NFE2L1: variants seen among roughly 807,000 people sequenced by gnomAD.
NFE2L1 encodes NFE2 like bZIP transcription factor 1.
In NFE2L1, 18 loss-of-function variants were observed where a neutral mutation model predicts 61.6. The observed-to-expected ratio is 0.29, with a 90% CI of 0.20 to 0.43. The LOEUF is 0.43. NFE2L1 is among the 20% of genes least tolerant of loss of function. NFE2L1 has a pLI of 1.00. For missense variants in NFE2L1, 827 were observed against 973.5 expected (o/e 0.85, Z 2.00); for synonymous variants, 419 against 402.7 (o/e 1.04, Z -0.48).
At chr17:48,056,938 G>C in intron 3 of NFE2L1, 94 bp from the exon 4 acceptor site, 1 of 1,261,310 alleles carries the variant, frequency 7.9e-7, no homozygotes, top group South Asian at 1.3e-5. Flanking sequence ...GAATGGGAGG[G>C]AGACTGCAGG....
In NFE2L1 at chr17:48,056,603, C is replaced by T. The variant is rs577125198; in HGVS notation, c.723+5C>T. The T allele has an allele frequency of 3.1e-6, 5 of 1,612,120 alleles. No homozygotes were observed. The highest frequency in any genetic ancestry group is 1.7e-5 in the Admixed American group (1 of 59,986). ...GGGGAGAGCTTCCCTGCACAGGTAC[C>T]ATCGCCCCTGCTCACTGGGCTCTCT... On this transcript the variant is annotated splice_donor_5th_base_variant and intron_variant, in intron 3 of 5. Coordinates refer to ENST00000362042, the MANE Select transcript of NFE2L1 (RefSeq NM_003204.3).
At chr17:48,049,892 C>T (rs542993483) in intron 1 of NFE2L1, among the ~76,000 whole-genome samples, 1 of 152,190 alleles carries the variant, frequency 6.6e-6, no homozygotes, top group African/African-American at 2.4e-5. Context: ...GGGTGAAAAT[C>T]CAGCTTTACT....
At chr17:48,058,215 C>T in intron 5 of NFE2L1, 80 bp from the exon 6 acceptor site, 4 of 1,501,802 alleles carry the variant, frequency 2.7e-6, no homozygotes, top group Non-Finnish European at 2.7e-6. Flanking sequence ...AGCTGTGCCT[C>T]TGTTGGGTGC....
At position 48,059,393 on chromosome 17, in the gene NFE2L1, C is replaced by T. The variant is rs748145897; in HGVS notation, c.2071C>T (p.Arg691Cys). Reference protein sequence around the residue: ...NLERDVEDLQRDKARLLREKV... With the variant: ...NLERDVEDLQCDKARLLREKV... Reference sequence around the variant, plus strand: ...GGAGCGTGATGTGGAGGACCTGCAGCGTGACAAAGCCCGGCTGCTGCGGGA... The same window carrying T: ...GGAGCGTGATGTGGAGGACCTGCAGTGTGACAAAGCCCGGCTGCTGCGGGA... The change falls in exon 6 of 6, where the codon CGT (arginine) becomes TGT (cysteine). Residue 691 changes from arginine (R) to cysteine (C), a missense_variant. Arg to Cys is a radical substitution (Grantham distance 180). Around this residue, in one of 3 missense-constraint regions of NFE2L1, gnomAD observed 74 missense variants for 127.8 expected, o/e 0.58. Coordinates refer to ENST00000362042, the MANE Select transcript of NFE2L1 (RefSeq NM_003204.3). This position sits in a 1 kb window ranked among gnomAD's most constrained non-coding sequence, Gnocchi z 6.1. 26 of 1,614,204 alleles carry T rather than the reference C, an allele frequency of 1.6e-5. No homozygotes were observed. Among genetic ancestry groups the T allele is most frequent in the Non-Finnish European group, 1.9e-5 (22 of 1,180,056 alleles).
In NFE2L1 at chr17:48,051,594, T is replaced by A; in HGVS notation, c.476T>A (p.Val159Glu). The change falls in exon 2 of 6, where the codon GTA becomes GAA. Residue 159 changes from valine to glutamate, a missense_variant. Transcript: ENST00000362042. ...FGEDLEDLGA[V>E]APPVSGDLTK... Reference sequence around the variant, plus strand: ...GAAGATTTGGAGGATTTGGGGGCTGTAGCCCCCCCAGTCAGTGGAGACTTA... The same window carrying A: ...GAAGATTTGGAGGATTTGGGGGCTGAAGCCCCCCCAGTCAGTGGAGACTTA... 6.2e-7 allele frequency: 1 copy of A among 1,614,034 alleles called. No individual in the cohort carries two copies. Among genetic ancestry groups the A allele is most frequent in the South Asian group, 1.1e-5 (1 of 91,072 alleles).
rs1300629200 is a variant in NFE2L1, at chr17:48,058,557, A to G, written c.1235A>G (p.Asn412Ser). ...TSLNSTFGST[N>S]LTGLFFPPQL... is the part of the protein sequence containing the mutation. ...CTCAACTCCACCTTCGGCTCCACCA[A>G]CCTGACAGGGCTCTTCTTTCCACCC... Residue 412 changes from asparagine to serine, a missense_variant, in exon 6 of 6, where the codon AAC (asparagine) becomes AGC (serine). Physicochemically the swap from Asn to Ser is conservative, Grantham distance 46. Around this residue, in one of 3 missense-constraint regions of NFE2L1, gnomAD observed 667 missense variants for 748.4 expected, o/e 0.89. Transcript: ENST00000362042. 6.2e-7 allele frequency: 1 copy of G among 1,613,500 alleles called. No homozygotes were observed. Among genetic ancestry groups the G allele is most frequent in the African/African-American group, 1.3e-5 (1 of 74,990 alleles).
chr17:48,056,187 T>G, intron 2 of NFE2L1, 199 bp from the exon 3 acceptor site: 1 of 647,682 alleles, frequency 1.5e-6, no homozygotes, highest in African/African-American at 1.8e-5. Flanking sequence ...TTTTTTTTTG[T>G]GGGAAGGGGA....
chr17:48,051,561 G>T lies in NFE2L1; in HGVS notation c.443G>T (p.Gly148Val), dbSNP rs763937582. 6.2e-7 allele frequency: 1 copy of T among 1,614,190 alleles called. No individual in the cohort carries two copies. Among genetic ancestry groups the T allele is most frequent in the Non-Finnish European group, 8.5e-7 (1 of 1,180,016 alleles). ...NGVRESETEQ[G>V]FGEDLEDLGA... ...GTGCGAGAAAGCGAAACGGAGCAGG[G>T]ATTCGGTGAAGATTTGGAGGATTTG... Residue 148 changes from glycine (G) to valine (V), a missense_variant, in exon 2 of 6, where the codon GGA (glycine) becomes GTA (valine). Physicochemically the swap from Gly to Val is moderately radical, Grantham distance 109. This residue lies in a region of NFE2L1 where 667 missense variants were observed against 748.4 expected (regional missense o/e 0.89). Coordinates refer to ENST00000362042, the MANE Select transcript of NFE2L1 (RefSeq NM_003204.3).
chr17:48,057,326 C>T lies in NFE2L1; in HGVS notation c.814-18C>T, dbSNP rs1183270088. 8 of 1,611,748 alleles carry T rather than the reference C, an allele frequency of 5.0e-6. No individual in the cohort carries two copies. The highest frequency in any genetic ancestry group is 5.9e-6 in the Non-Finnish European group (7 of 1,179,012). On this transcript the variant is annotated intron_variant, in intron 4 of 5. Transcript: ENST00000362042. ...GTTTTTCCTTCCCCCTTGTTAAAGC[C>T]TCTGTGTTTTGCCCTAGTTTCCAGC...
At chr17:48,054,565 A>T in intron 2 of NFE2L1, 2 of 889,176 alleles carry the variant, frequency 2.2e-6, no homozygotes, top group Non-Finnish European at 2.8e-6. Context: ...GGGGGAGGGG[A>T]TTGGCTCTCT....
In NFE2L1 at chr17:48,059,432, C is replaced by T. The variant is rs1383285849; in HGVS notation, c.2110C>T (p.Leu704=). 3 of 1,614,102 alleles carry T rather than the reference C, an allele frequency of 1.9e-6. No homozygotes were observed. The highest frequency in any genetic ancestry group is 2.7e-5 in the African/African-American group (2 of 74,942). The change falls in exon 6 of 6, where the codon CTG becomes TTG. Residue 704 remains leucine, a synonymous_variant. Transcript: ENST00000362042. This position sits in a 1 kb window ranked among gnomAD's most constrained non-coding sequence, Gnocchi z 6.1. ...ARLLREKVEF[L]RSLRQMKQKV... ...GCTGCTGCGGGAGAAAGTGGAGTTCCTGCGCTCCCTGCGACAGATGAAGCA... is the reference window on the plus strand; with the variant it reads ...GCTGCTGCGGGAGAAAGTGGAGTTCTTGCGCTCCCTGCGACAGATGAAGCA...
intron 4 of NFE2L1, 73 bp downstream of exon 4, chr17:48,057,194 A>G (rs1475822741): frequency 1.3e-6 from 2 of 1,592,942 alleles, no homozygotes; most frequent in African/African-American, 1.4e-5. Flanking sequence ...TCCATGGCTG[A>G]GGGGCCAGCT....
intron 2 of NFE2L1, chr17:48,055,206 G>T: frequency 7.8e-7 from 1 of 1,287,964 alleles, no homozygotes; most frequent in South Asian, 2.4e-5. Flanking sequence ...AGGGTCAGGG[G>T]GGGTTAATGG....
At chr17:48,050,133 C>T (rs1177764312) in intron 1 of NFE2L1, among the ~76,000 whole-genome samples, 1 of 152,170 alleles carries the variant, frequency 6.6e-6, no homozygotes, top group South Asian at 2.1e-4. Context: ...TGATCGGTTG[C>T]TATATTTTGG....
chr17:48,058,903 C>T lies in NFE2L1; in HGVS notation c.1581C>T (p.Ser527=), dbSNP rs574307293. 1.2e-4 allele frequency: 186 copies of T among 1,613,874 alleles called. 4 individuals carry two copies. The South Asian group carries it at 1.8e-3, about 16-fold the overall frequency. Reference sequence around the variant, plus strand: ...CTGAGGAAGGTGCGGTTGGCTACAGCTCTGACTCTGAGACCCTGGATCTGG... The same window carrying T: ...CTGAGGAAGGTGCGGTTGGCTACAGTTCTGACTCTGAGACCCTGGATCTGG... The part of the protein sequence containing the change: ...SFSEEGAVGY[S]SDSETLDLEE... Residue 527 remains serine, a synonymous_variant, in exon 6 of 6, where the codon AGC becomes AGT. Transcript: ENST00000362042.
At chr17:48,051,969 A>C (rs1002877338) in intron 2 of NFE2L1, among the ~76,000 whole-genome samples, 1 of 152,062 alleles carries the variant, frequency 6.6e-6, no homozygotes, top group Non-Finnish European at 1.5e-5. Context: ...TGCAGTGTAC[A>C]TCTGTTGCTA....
chr17:48,059,533 G>A lies in NFE2L1; in HGVS notation c.2211G>A (p.Gln737=). 6.2e-7 allele frequency: 1 copy of A among 1,613,750 alleles called. No homozygotes were observed. Among genetic ancestry groups the A allele is most frequent in the African/African-American group, 1.3e-5 (1 of 75,050 alleles). The change falls in exon 6 of 6, where the codon CAG becomes CAA. Residue 737 remains glutamine (Q), a synonymous_variant. Transcript: ENST00000362042. This position sits in a 1 kb window ranked among gnomAD's most constrained non-coding sequence, Gnocchi z 6.1. ...DENGRPYSPS[Q]YALQYAGDGS... is the part of the protein sequence containing the mutation. ...ACGGACGACCCTACTCGCCCAGTCA[G>A]TATGCGCTCCAGTACGCCGGGGACG...
At chr17:48,057,553 C>A in intron 5 of NFE2L1, 51 bp downstream of exon 5, 1 of 1,566,780 alleles carries the variant, frequency 6.4e-7, no homozygotes, top group East Asian at 2.2e-5. Context: ...CACAGATTGT[C>A]TTAGCACTCA....
chr17:48,054,775 G>A, intron 2 of NFE2L1: 4 of 1,318,390 alleles, frequency 3.0e-6, no homozygotes, highest in Non-Finnish European at 3.9e-6. Flanking sequence ...AGCTCAGGGT[G>A]GGGGCAGCTG....
Sources: allele counts gnomAD v4.1 joint callset (sites outside exome capture counted in the v4.1 genomes callset), GRCh38; gene constraint gnomAD v4.1.1; regional missense constraint gnomAD v4.1.1; non-coding constraint Gnocchi (gnomAD v3.1); transcripts MANE v1.5; gene names NCBI Gene and HGNC (gene_info 2026-07-23, HGNC 2026-07-21).